Variants in TXLNG observed in about 807,000 individuals in gnomAD.
TXLNG encodes the protein taxilin gamma, also known as gamma-taxilin.
A neutral mutation model predicts 38.8 loss-of-function variants in TXLNG; 5 were observed. The ratio of observed to expected loss-of-function variants is 0.13; its 90% CI spans 0.07 to 0.27. The LOEUF (loss-of-function observed/expected upper bound fraction) is 0.27. TXLNG is among the 10% of genes least tolerant of loss of function. The pLI is 1.00. For missense variants in TXLNG, 393 were observed against 398.2 expected, an observed-to-expected ratio of 0.99 and a Z score of 0.11; for synonymous variants, 182 against 158.2, an observed-to-expected ratio of 1.15 and a Z score of -1.13.
Position 16,818,101 on chromosome X carries a change from G to C in TXLNG, c.103-473G>C, listed in dbSNP as rs776912077. Among the ~76,000 whole-genome samples the C allele has an allele frequency of 3.3e-4, 37 of 111,466 alleles. No individual in the cohort carries two copies. In the East Asian group the frequency reaches 0.01, roughly 31 times the overall value. ...GGAAGTCGCCCCTTGGTGTAAGGGG[G>C]CTGGGGAATAGTCCCTGGCTGGGCA... is the stretch of plus-strand genomic sequence containing the variant. On this transcript the variant is annotated intron_variant, in intron 1 of 9. Transcript: ENST00000380122.
chrX:16,828,109 A>G lies in TXLNG; in HGVS notation c.514A>G (p.Ser172Gly). ...KYADLLEESRSVQKQMKILQK... is the reference protein window; with the variant it reads ...KYADLLEESRGVQKQMKILQK... ...TGAATTTTAGCTGGAGGAGAGCAGGAGTGTTCAGAAGCAAATGAAGATCCT... is the reference window on the plus strand; with the variant it reads ...TGAATTTTAGCTGGAGGAGAGCAGGGGTGTTCAGAAGCAAATGAAGATCCT... Residue 172 changes from serine (S) to glycine (G), a missense_variant, in exon 4 of 10, where the codon AGT becomes GGT. Coordinates refer to ENST00000380122, the MANE Select transcript of TXLNG (RefSeq NM_018360.3). 8.3e-7 allele frequency: 1 copy of G among 1,208,555 alleles called. No homozygotes were observed. Among genetic ancestry groups the G allele is most frequent in the South Asian group, 1.8e-5 (1 of 56,393 alleles).
At chrX:16,804,988 T>TC (rs1928281607) in intron 1 of TXLNG, among the ~76,000 whole-genome samples, 1 of 5,278 alleles carries the variant, frequency 1.9e-4, no homozygotes, top group African/African-American at 5.8e-4. Flanking sequence ...CCCCCCGCTT[T>TC]TTTTTTTTTT....
rs1189700467 is a variant in TXLNG at position 16,843,291 on chromosome X, G to GAA, written c.*1527_*1528dup. The GAA allele has an allele frequency of 3.6e-5, 4 of 112,065 alleles. No individual in the cohort carries two copies. The highest frequency in any genetic ancestry group is 5.6e-5 in the Non-Finnish European group (3 of 53,242). 9.2% of individuals were successfully genotyped at this position (112,065 alleles called of 1,213,427 possible). A position where few individuals can be genotyped will look rare whatever the true frequency, so the allele number is the denominator to read the frequency against. On this transcript the variant is annotated 3_prime_UTR_variant, in exon 10 of 10. Transcript: ENST00000380122. ...TCACATTCATGGTCGAAACTGGGTT[G>GAA]AAAGAATTGAAAATTGTCCAACAGA...
chrX:16,801,481 C>T (rs1483507212), intron 1 of TXLNG, among the ~76,000 whole-genome samples: 2 of 111,912 alleles, frequency 1.8e-5, no homozygotes, highest in African/African-American at 3.2e-5. Flanking sequence ...TCACCGAGCT[C>T]GGCCTCAGGC....
Position 16,832,604 on chromosome X carries a change from A to T in TXLNG, c.865-19A>T. The T allele has an allele frequency of 8.3e-7, 1 of 1,210,741 alleles. No homozygotes were observed. The highest frequency in any genetic ancestry group is 1.1e-6 in the Non-Finnish European group (1 of 895,173). ...CCTTTCTTTGGTGAGTGATGGAAGA[A>T]ACTCTCCTTTTCCCATAGCACATTG... On this transcript the variant is annotated intron_variant, in intron 5 of 9. Coordinates refer to ENST00000380122, the MANE Select transcript of TXLNG (RefSeq NM_018360.3).
intron 2 of TXLNG, 152 bp downstream of exon 2, chrX:16,819,029 G>A: frequency 2.0e-6 from 1 of 490,828 alleles, no homozygotes; most frequent in Non-Finnish European, 3.1e-6. Flanking sequence ...GTCTGCTGCA[G>A]TTATGTGCAG....
intron 1 of TXLNG, among the ~76,000 whole-genome samples, chrX:16,805,007 T>TTTTTTTTG (rs1162642529): frequency 0.18 from 6,851 of 38,603 alleles, 1,909 homozygotes; most frequent in Non-Finnish European, 0.29. Flanking sequence ...TTTTTTTTTT[T>TTTTTTTTG]GAGAGACAGA....
At chrX:16,798,789 G>T (rs1927975984) in intron 1 of TXLNG, among the ~76,000 whole-genome samples, 1 of 110,323 alleles carries the variant, frequency 9.1e-6, no homozygotes. Context: ...TCTCACTATG[G>T]CTGGTCTCCA....
chrX:16,821,135 TCTTTC>T (rs769729185), intron 3 of TXLNG, among the ~76,000 whole-genome samples: 5 of 66,014 alleles, frequency 7.6e-5, no homozygotes, highest in African/African-American at 2.0e-4. Flanking sequence ...TTTCTTTCTT[TCTTTC>T]TTTTTTTTTT....
rs868001942 is a variant in TXLNG, at chrX:16,818,826, C to T, written c.355C>T (p.Pro119Ser). The change falls in exon 2 of 10, where the codon CCT (proline) becomes TCT (serine). Residue 119 changes from proline to serine, a missense_variant. By Grantham distance (74) the Pro-to-Ser change is moderately conservative. Transcript: ENST00000380122. ...IPGGEARTDP[P>S]DGQQDSECNR... ...TGGGGGAGAAGCTCGAACAGATCCC[C>T]CTGATGGTCAGCAAGATTCAGAGTG... is the stretch of plus-strand genomic sequence containing the variant. 2 of 1,209,169 alleles carry T rather than the reference C, an allele frequency of 1.7e-6. No individual in the cohort carries two copies. The highest frequency in any genetic ancestry group is 3.5e-5 in the African/African-American group (2 of 57,168).
chrX:16,831,727 T>G (rs1929418580), intron 5 of TXLNG, among the ~76,000 whole-genome samples: 1 of 112,157 alleles, frequency 8.9e-6, no homozygotes, highest in Non-Finnish European at 1.9e-5. Context: ...TCAGATTTGT[T>G]TAAATCATAT....
rs756066162 is a variant in TXLNG, at chrX:16,841,567, C to T, written c.1388C>T (p.Ala463Val). Residue 463 changes from alanine (A) to valine (V), a missense_variant, in exon 10 of 10, where the codon GCG becomes GTG. Ala to Val is a moderately conservative substitution (Grantham distance 64, BLOSUM62 0). Coordinates refer to ENST00000380122, the MANE Select transcript of TXLNG (RefSeq NM_018360.3). ...CTGAAAGAGCAGGTATCCATCAAAGCGGCCATCAAAGCGGCGAACAGGGAT... is the reference window on the plus strand; with the variant it reads ...CTGAAAGAGCAGGTATCCATCAAAGTGGCCATCAAAGCGGCGAACAGGGAT... ...EVLKEQVSIK[A>V]AIKAANRDLA... 4.1e-6 allele frequency: 5 copies of T among 1,211,354 alleles called. No individual in the cohort carries two copies. Among genetic ancestry groups the T allele is most frequent in the South Asian group, 1.8e-5 (1 of 56,968 alleles).
rs1320533651 is a variant in TXLNG, at chrX:16,834,367, C to A, written c.1059+10C>A. The A allele has an allele frequency of 2.5e-6, 3 of 1,190,036 alleles. No homozygotes were observed. Among genetic ancestry groups the A allele is most frequent in the Non-Finnish European group, 1.1e-6 (1 of 878,162 alleles). On this transcript the variant is annotated intron_variant, in intron 7 of 9. Transcript: ENST00000380122. ...ACAACTAAAACAGCAGGTAACTTCA[C>A]AGCAGGGGATAGTACAATTTGTAAG...
intron 1 of TXLNG, among the ~76,000 whole-genome samples, chrX:16,806,047 CTG>C (rs1928319797): frequency 8.9e-6 from 1 of 112,514 alleles, no homozygotes; most frequent in African/African-American, 3.2e-5. Flanking sequence ...GTGAGGAAAA[CTG>C]TGCTATCCAC....
intron 9 of TXLNG, among the ~76,000 whole-genome samples, chrX:16,841,092 T>C (rs748143021): frequency 9.4e-6 from 1 of 106,493 alleles, no homozygotes; most frequent in Non-Finnish European, 1.9e-5. Flanking sequence ...TTACTCGGGA[T>C]GCTGAGGCAG....
At chrX:16,829,873 A>G in intron 5 of TXLNG, 103 bp downstream of exon 5, 1 of 784,659 alleles carries the variant, frequency 1.3e-6, no homozygotes, top group Non-Finnish European at 1.8e-6. Flanking sequence ...AGAACTTTGC[A>G]TATGCATAGT....
At chrX:16,799,664 G>T (rs1192091331) in intron 1 of TXLNG, among the ~76,000 whole-genome samples, 1 of 109,991 alleles carries the variant, frequency 9.1e-6, no homozygotes, top group African/African-American at 3.3e-5. Context: ...CCAGCTACTC[G>T]GGAGGCTGAG....
chrX:16,819,266 T>C (rs1278342800), intron 2 of TXLNG, among the ~76,000 whole-genome samples: 5 of 110,950 alleles, frequency 4.5e-5, no homozygotes, highest in Admixed American at 3.9e-4. Context: ...CTGATCATTT[T>C]CAGTAATTGT....
At chrX:16,810,809 C>T (rs1172090564) in intron 1 of TXLNG, among the ~76,000 whole-genome samples, 1 of 111,578 alleles carries the variant, frequency 9.0e-6, no homozygotes, top group Non-Finnish European at 1.9e-5. Flanking sequence ...GTGCCTCAGC[C>T]TCCCGAGTTT....
Sources: gnomAD v4.1 joint callset for allele counts (sites outside exome capture counted in the v4.1 genomes callset) on GRCh38, gnomAD v4.1.1 for gene constraint, MANE v1.5 for transcripts, NCBI Gene and HGNC (gene_info 2026-07-23, HGNC 2026-07-21) for gene names.